Variants in KCND2 observed in about 807,000 individuals in gnomAD.
KCND2 encodes potassium voltage-gated channel subfamily D member 2.
Under a neutral mutation model 54.4 loss-of-function variants are expected in KCND2, and 16 were observed. The ratio of observed to expected loss-of-function variants is 0.29; its 90% CI spans 0.20 to 0.45. The LOEUF (loss-of-function observed/expected upper bound fraction) is 0.45, where lower values mean the gene tolerates loss of function less well. KCND2 is among the 20% of genes least tolerant of loss of function. The pLI, the probability that KCND2 is intolerant of heterozygous loss-of-function variation, is 1.00. For missense variants in KCND2, 486 were observed against 824.2 expected (o/e 0.59, Z 5.02); for synonymous variants, 317 against 310.7 (o/e 1.02, Z -0.21).
intron 1 of KCND2, among the ~76,000 whole-genome samples, chr7:120,387,510 T>A (rs1801008094): frequency 6.6e-6 from 1 of 152,084 alleles, no homozygotes; most frequent in Admixed American, 6.6e-5. Context: ...TTTACATAAA[T>A]TTTAAGCACA....
chr7:120,559,921 C>T (rs1324484190), intron 1 of KCND2, among the ~76,000 whole-genome samples: 3 of 152,010 alleles, frequency 2.0e-5, no homozygotes, highest in Non-Finnish European at 2.9e-5. Flanking sequence ...AGAAATCCAC[C>T]GTCCTTTGGA....
intron 1 of KCND2, among the ~76,000 whole-genome samples, chr7:120,379,782 G>T (rs562380767): frequency 6.6e-6 from 1 of 152,078 alleles, no homozygotes; most frequent in South Asian, 2.1e-4. Flanking sequence ...TGCCTGCTGT[G>T]GCCAACTGAA....
intron 1 of KCND2, among the ~76,000 whole-genome samples, chr7:120,390,602 A>C (rs1801059224): frequency 6.6e-6 from 1 of 151,966 alleles, no homozygotes; most frequent in African/African-American, 2.4e-5. Flanking sequence ...CTCCCATCAA[A>C]AGTTATGTTA....
At chr7:120,346,593 C>G (rs1276387906) in intron 1 of KCND2, among the ~76,000 whole-genome samples, 5 of 152,086 alleles carry the variant, frequency 3.3e-5, no homozygotes, top group Admixed American at 2.6e-4. Flanking sequence ...AATGAGAAAA[C>G]TGTATATTTA....
At chr7:120,400,684 T>G (rs979583300) in intron 1 of KCND2, among the ~76,000 whole-genome samples, 2 of 152,158 alleles carry the variant, frequency 1.3e-5, no homozygotes, top group Non-Finnish European at 2.9e-5. Flanking sequence ...ATAGAAGTTA[T>G]GTGCAGAACT....
chr7:120,536,314 T>G (rs1258783437), intron 1 of KCND2, among the ~76,000 whole-genome samples: 1 of 152,096 alleles, frequency 6.6e-6, no homozygotes, highest in African/African-American at 2.4e-5. Context: ...TTTTTACTGG[T>G]GGAGAGTCTT....
chr7:120,586,884 A>C (rs1464423189), intron 1 of KCND2, among the ~76,000 whole-genome samples: 1 of 152,130 alleles, frequency 6.6e-6, no homozygotes, highest in Non-Finnish European at 1.5e-5. Flanking sequence ...CTTTGTTTTC[A>C]TTAAAGGATA....
intron 1 of KCND2, among the ~76,000 whole-genome samples, chr7:120,313,741 A>ATT (rs386411129): frequency 0.016 from 2,169 of 132,218 alleles, 92 homozygotes; most frequent in African/African-American, 0.044. Context: ...GTCTCCTGGG[A>ATT]TTTTTTTTTT....
chr7:120,421,076 G>A (rs1801613752), intron 1 of KCND2, among the ~76,000 whole-genome samples: 1 of 152,214 alleles, frequency 6.6e-6, no homozygotes, highest in South Asian at 2.1e-4. Context: ...TAATGATTAT[G>A]TCACTGAAAT....
chr7:120,463,933 A>C (rs932327407), intron 1 of KCND2: 7 of 322,770 alleles, frequency 2.2e-5, no homozygotes, highest in Middle Eastern at 1.5e-3. Flanking sequence ...ATAGATAGAT[A>C]GATAGATAGA....
intron 1 of KCND2, among the ~76,000 whole-genome samples, chr7:120,678,713 C>A (rs1792101368): frequency 7.1e-6 from 1 of 140,894 alleles, no homozygotes; most frequent in African/African-American, 2.6e-5. Context: ...AGCACTTACA[C>A]TATATATAAT....
rs929561397 is a variant in KCND2 at position 120,511,371 on chromosome 7, A to G, written c.1116-221532A>G. On this transcript the variant is annotated intron_variant, in intron 1 of 5. Transcript: ENST00000331113. ...TTTGTTTTTTATCTGTCTTGTCCCT[A>G]AGAATATGATCTCCTTGAGGACAGA... Among the ~76,000 whole-genome samples, 4 of 152,020 alleles carry G rather than the reference A, an allele frequency of 2.6e-5. No individual in the cohort carries two copies. In the East Asian group the frequency reaches 7.7e-4, roughly 29 times the overall value.
chr7:120,720,528 C>A (rs1792653359), intron 1 of KCND2, among the ~76,000 whole-genome samples: 1 of 152,064 alleles, frequency 6.6e-6, no homozygotes, highest in Non-Finnish European at 1.5e-5. Flanking sequence ...TGGTTTCCTG[C>A]CAGTTGTGCC....
intron 1 of KCND2, among the ~76,000 whole-genome samples, chr7:120,457,649 C>G (rs1279389038): frequency 1.3e-5 from 2 of 152,216 alleles, no homozygotes; most frequent in Non-Finnish European, 2.9e-5. Context: ...AAGTCCCAAA[C>G]TTTCCTACAT....
chr7:120,496,718 C>T (rs1162534249), intron 1 of KCND2, among the ~76,000 whole-genome samples: 1 of 152,186 alleles, frequency 6.6e-6, no homozygotes, highest in Non-Finnish European at 1.5e-5. Flanking sequence ...GCCACCGTGC[C>T]CGGCCTTCTT....
At chr7:120,536,149 C>A (rs976894386) in intron 1 of KCND2, among the ~76,000 whole-genome samples, 1 of 152,098 alleles carries the variant, frequency 6.6e-6, no homozygotes, top group Non-Finnish European at 1.5e-5. Flanking sequence ...TGTTTGGTTT[C>A]CCAGTGCATA....
At chr7:120,693,979 C>A (rs909059473) in intron 1 of KCND2, among the ~76,000 whole-genome samples, 2 of 152,170 alleles carry the variant, frequency 1.3e-5, no homozygotes, top group Non-Finnish European at 2.9e-5. Flanking sequence ...CCTGTAGTCC[C>A]AGCTACTGGG....
At chr7:120,289,714 C>T (rs1378631298) in intron 1 of KCND2, among the ~76,000 whole-genome samples, 1 of 151,990 alleles carries the variant, frequency 6.6e-6, no homozygotes, top group East Asian at 1.9e-4. Flanking sequence ...CACCTTAGGC[C>T]AGACATAAAC....
At chr7:120,445,422 T>C (rs183119632) in intron 1 of KCND2, among the ~76,000 whole-genome samples, 4 of 152,274 alleles carry the variant, frequency 2.6e-5, no homozygotes, top group Admixed American at 1.3e-4. Context: ...AGGAGGACAG[T>C]CTCTGAATCT....
Sources: allele counts gnomAD v4.1 joint callset (sites outside exome capture counted in the v4.1 genomes callset), GRCh38; gene constraint gnomAD v4.1.1; transcripts MANE v1.5; gene names NCBI Gene and HGNC (gene_info 2026-07-23, HGNC 2026-07-21).